Variants in YLPM1 observed in about 807,000 individuals in gnomAD.
YLPM1 encodes YLP motif-containing protein 1.
A neutral mutation model predicts 230.0 loss-of-function variants in YLPM1; 99 were observed. The observed-to-expected ratio is 0.43, with a 90% confidence interval of 0.37 to 0.51. The LOEUF is 0.51. YLPM1 is among the 20% of genes least tolerant of loss of function. The probability of loss-of-function intolerance (pLI) is 0.00; values close to 1 mark genes in which losing one functional copy is unlikely to be tolerated. For missense variants in YLPM1, 2,592 were observed against 2,707.7 expected (o/e 0.96, Z 0.95); for synonymous variants, 984 against 942.5 (o/e 1.04, Z -0.81).
chr14:74,827,401 C>A, intron 18 of YLPM1: 6 of 985,386 alleles, frequency 6.1e-6, no homozygotes, highest in Non-Finnish European at 7.2e-6. Context: ...GTGAGCCTTT[C>A]TTCAGCCCAA....
chr14:74,822,829 A>C (rs902942131), intron 17 of YLPM1, among the ~76,000 whole-genome samples: 1 of 149,516 alleles, frequency 6.7e-6, no homozygotes, highest in Admixed American at 6.7e-5. Flanking sequence ...ATGAAATCCA[A>C]AGTTTTGTTG....
At chr14:74,821,842 T>C (rs1477172728) in intron 17 of YLPM1, 1 of 152,244 alleles carries the variant, frequency 6.6e-6, no homozygotes, top group East Asian at 1.9e-4. Context: ...AGCAATGCCT[T>C]GGAATAGTGT....
At chr14:74,774,975 G>A (rs913776509) in intron 1 of YLPM1, among the ~76,000 whole-genome samples, 5 of 152,180 alleles carry the variant, frequency 3.3e-5, no homozygotes, top group African/African-American at 1.2e-4. Context: ...TCATGGTATG[G>A]TTTCCAGTGA....
rs1212088052 is a variant in YLPM1 at position 74,811,631 on chromosome 14, A to G, written c.5240A>G (p.Tyr1747Cys). 2 of 1,609,616 alleles carry G rather than the reference A, an allele frequency of 1.2e-6. No individual in the cohort carries two copies. Among genetic ancestry groups the G allele is most frequent in the Non-Finnish European group, 1.7e-6 (2 of 1,178,710 alleles). ...ATTACACCTTCTAGAGCTCAGTCATATCGAGACAAAAAAGACCATTCCTCA... is the reference window on the plus strand; with the variant it reads ...ATTACACCTTCTAGAGCTCAGTCATGTCGAGACAAAAAAGACCATTCCTCA... The part of the protein sequence containing the change: ...RRPRDDRAQS[Y>C]RDKKDHSSSR... The change falls in exon 10 of 21, where the codon TAT (tyrosine) becomes TGT (cysteine). Residue 1747 changes from tyrosine to cysteine, a missense_variant. By Grantham distance (194) the Tyr-to-Cys change is radical. This residue lies in a region of YLPM1 where 403 missense variants were observed against 426.7 expected (regional missense o/e 0.94). Transcript: ENST00000325680.
intron 1 of YLPM1, among the ~76,000 whole-genome samples, chr14:74,771,846 A>C (rs947286505): frequency 6.6e-6 from 1 of 152,154 alleles, no homozygotes; most frequent in Non-Finnish European, 1.5e-5. Context: ...GATGAAGTAA[A>C]TGAGCATTTA....
At chr14:74,827,532 A>G in intron 18 of YLPM1, 11 of 985,458 alleles carry the variant, frequency 1.1e-5, no homozygotes, top group Non-Finnish European at 1.3e-5. Flanking sequence ...CTCCTGTCAT[A>G]TATACCCAGT....
In YLPM1 at chr14:74,781,820, C is replaced by T. The variant is rs759920121; in HGVS notation, c.1777C>T (p.Pro593Ser). The T allele has an allele frequency of 2.8e-5, 45 of 1,612,366 alleles. No homozygotes were observed. The highest frequency in any genetic ancestry group is 3.7e-5 in the Non-Finnish European group (44 of 1,179,194). ...TGCAGGGCCACCACCAGTTCTCCCC[C>T]CACCTTCCCTGTCTTCTGCAGGGCC... ...SSAGPPPVLPPPSLSSAGPPP... is the reference protein window; with the variant it reads ...SSAGPPPVLPSPSLSSAGPPP... Residue 593 changes from proline to serine, a missense_variant, in exon 4 of 21, where the codon CCA (proline) becomes TCA (serine). This residue lies in a region of YLPM1 where 1,862 missense variants were observed against 1,819.8 expected (regional missense o/e 1.02). Coordinates refer to ENST00000325680, the MANE Select transcript of YLPM1 (RefSeq NM_019589.3).
In YLPM1 at chr14:74,811,725, A is replaced by G. The variant is rs1287465826; in HGVS notation, c.5334A>G (p.Pro1778=). 3 of 1,598,408 alleles carry G rather than the reference A, an allele frequency of 1.9e-6. No individual in the cohort carries two copies. The highest frequency in any genetic ancestry group is 3.6e-5 in the Admixed American group (2 of 54,944). ...RKSDRPVYEG[P]SMFGGERRTY... ...CTGACCGACCAGTCTATGAAGGACC[A>G]TCCATGTTTGGAGGTAGAGTGATGC... Residue 1778 remains proline, a synonymous_variant, in exon 10 of 21, where the codon CCA becomes CCG. Coordinates refer to ENST00000325680, the MANE Select transcript of YLPM1 (RefSeq NM_019589.3).
intron 1 of YLPM1, among the ~76,000 whole-genome samples, chr14:74,768,348 C>A (rs2090935190): frequency 6.6e-6 from 1 of 152,042 alleles, no homozygotes; most frequent in Non-Finnish European, 1.5e-5. Context: ...TTCCTGGGTT[C>A]AAACAATTCT....
At chr14:74,835,216 T>C (rs755533854) in intron 19 of YLPM1, 49 bp from the exon 20 acceptor site, 1 of 1,603,460 alleles carries the variant, frequency 6.2e-7, no homozygotes, top group Non-Finnish European at 8.5e-7. Context: ...GGGGGCTCTT[T>C]GCATATTTAT....
At chr14:74,810,198 GT>G (rs1566759210) in intron 8 of YLPM1, 26 bp from the exon 9 acceptor site, 15 of 1,604,140 alleles carry the variant, frequency 9.4e-6, no homozygotes, top group Non-Finnish European at 1.2e-5. Context: ...AAGGGATATA[GT>G]TATTTTGTAC....
At chr14:74,780,266 C>A in intron 2 of YLPM1, 139 bp from the exon 3 acceptor site, 1 of 1,073,118 alleles carries the variant, frequency 9.3e-7, no homozygotes, top group Non-Finnish European at 1.3e-6. Context: ...GTTCTCAATC[C>A]AAAAAGAACT....
chr14:74,769,259 C>CTTTTTTTTTTTTTTT (rs34023289), intron 1 of YLPM1, among the ~76,000 whole-genome samples: 2 of 38,408 alleles, frequency 5.2e-5, no homozygotes, highest in African/African-American at 7.4e-5. Flanking sequence ...GTATTTTTAT[C>CTTTTTTTTTTTTTTT]TTTTTTTTTT....
In YLPM1 at chr14:74,798,596, G is replaced by T; in HGVS notation, c.3299G>T (p.Ser1100Ile). 1 of 1,613,402 alleles carries T rather than the reference G, an allele frequency of 6.2e-7. No homozygotes were observed. The highest frequency in any genetic ancestry group is 1.7e-5 in the Admixed American group (1 of 59,990). Residue 1100 changes from serine to isoleucine, a missense_variant, in exon 5 of 21, where the codon AGC becomes ATC. Around this residue, in one of 4 missense-constraint regions of YLPM1, gnomAD observed 1,862 missense variants for 1,819.8 expected, o/e 1.02. Transcript: ENST00000325680. ...AAAGTGCCAGGTGGTCTTCAAGGGA[G>T]CCAGGACAGGGGTGCAGCTGGCAGC... is the stretch of plus-strand genomic sequence containing the variant. ...REKVPGGLQG[S>I]QDRGAAGSRE...
chr14:74,823,682 T>A (rs2091541099), intron 17 of YLPM1, among the ~76,000 whole-genome samples: 2 of 152,150 alleles, frequency 1.3e-5, no homozygotes, highest in Non-Finnish European at 2.9e-5. Context: ...TTGTATGCTC[T>A]AACTGGTAAA....
chr14:74,800,656 A>C (rs959249396), intron 5 of YLPM1, among the ~76,000 whole-genome samples: 17 of 152,348 alleles, frequency 1.1e-4, no homozygotes, highest in African/African-American at 4.1e-4. Context: ...GGAAAGAAAA[A>C]TACGGTGAAG....
chr14:74,770,738 A>G (rs920056820), intron 1 of YLPM1, among the ~76,000 whole-genome samples: 5 of 152,236 alleles, frequency 3.3e-5, no homozygotes, highest in African/African-American at 1.2e-4. Context: ...GAACTAGATC[A>G]GGGAAGGCCT....
rs2091161226 is a variant in YLPM1, at chr14:74,787,484, A to G, written c.2282+5159A>G. ...AGGCCGAGGCACAAGAATCACTTGA[A>G]TGCAGAGGTGGAGGATGCAGTGAGC... is the stretch of plus-strand genomic sequence containing the variant. On this transcript the variant is annotated intron_variant, in intron 4 of 20. Transcript: ENST00000325680. Among the ~76,000 whole-genome samples the G allele has an allele frequency of 1.3e-5, 2 of 151,990 alleles. 1 individual carries two copies. The highest frequency in any genetic ancestry group is 4.2e-4 in the South Asian group (2 of 4,814).
Position 74,835,251 on chromosome 14 carries a change from T to G in YLPM1, c.6295-14T>G. ...TTTTTCCTAAAGCTCAGCCTAATGC[T>G]ATGTTCTTTTTAGGTCAGATGGGCA... On this transcript the variant is annotated splice_polypyrimidine_tract_variant and intron_variant, in intron 19 of 20. Coordinates refer to ENST00000325680, the MANE Select transcript of YLPM1 (RefSeq NM_019589.3). 1.2e-6 allele frequency: 2 copies of G among 1,613,214 alleles called. No individual in the cohort carries two copies. Among genetic ancestry groups the G allele is most frequent in the Non-Finnish European group, 1.7e-6 (2 of 1,179,442 alleles).
Sources: gnomAD v4.1 joint callset for allele counts (sites outside exome capture counted in the v4.1 genomes callset) on GRCh38, gnomAD v4.1.1 for gene constraint, gnomAD v4.1.1 regional missense constraint, MANE v1.5 for transcripts, NCBI Gene and HGNC (gene_info 2026-07-23, HGNC 2026-07-21) for gene names.